ESRRG: variants seen among roughly 807,000 people sequenced by gnomAD.
The protein encoded by ESRRG is estrogen-related receptor gamma.
In ESRRG, 13 loss-of-function variants were observed where a neutral mutation model predicts 44.0. The observed-to-expected ratio is 0.30, with a 90% CI of 0.19 to 0.47. The LOEUF is 0.47. ESRRG is among the 20% of genes least tolerant of loss of function. The probability of loss-of-function intolerance (pLI) is 1.00; values close to 1 mark genes in which losing one functional copy is unlikely to be tolerated. For synonymous variants in ESRRG, 215 were observed against 214.6 expected, an observed-to-expected ratio of 1.00 and a Z score of -0.02; for missense variants, 395 against 580.6, an observed-to-expected ratio of 0.68 and a Z score of 3.29.
At chr1:217,084,986 A>G (rs933407824) in intron 1 of ESRRG, among the ~76,000 whole-genome samples, 6 of 152,172 alleles carry the variant, frequency 3.9e-5, no homozygotes, top group Non-Finnish European at 5.9e-5. Context: ...TTATAAATAT[A>G]CTAATAAACA....
At chr1:216,521,419 CTAAG>C (rs2046042521) in intron 5 of ESRRG, among the ~76,000 whole-genome samples, 3 of 151,310 alleles carry the variant, frequency 2.0e-5, no homozygotes, top group African/African-American at 7.3e-5. Context: ...AGAAAACATA[CTAAG>C]TAAGAATTTC....
chr1:217,042,340 C>A (rs1229820319), intron 1 of ESRRG, among the ~76,000 whole-genome samples: 1 of 152,050 alleles, frequency 6.6e-6, no homozygotes, highest in African/African-American at 2.4e-5. Flanking sequence ...AACAACTGAC[C>A]ACCAATTTCT....
rs774937214 is a variant in ESRRG at position 216,503,897 on chromosome 1, T to G, written c.*3042A>C. The G allele has an allele frequency of 1.3e-5, 2 of 152,536 alleles. No homozygotes were observed. Among genetic ancestry groups the G allele is most frequent in the African/African-American group, 2.4e-5 (1 of 41,436 alleles). The allele number at this position is 152,536 out of a possible 1,614,324, so 9.4% of individuals were successfully genotyped here. A position where few individuals can be genotyped will look rare whatever the true frequency, so the allele number is the denominator to read the frequency against. On this transcript the variant is annotated 3_prime_UTR_variant, in exon 7 of 7. Coordinates refer to ENST00000408911, the MANE Select transcript of ESRRG (RefSeq NM_001438.4). ...GCTAAAACATACACCTTTATAACTT[T>G]CCAAAACTTCACATTAAGTAAATGG...
chr1:216,941,828 A>T (rs1397926952), intron 1 of ESRRG, among the ~76,000 whole-genome samples: 1 of 152,138 alleles, frequency 6.6e-6, no homozygotes, highest in Admixed American at 6.5e-5. Context: ...TTTGTGGGTA[A>T]CCCAGGAAAT....
At chr1:216,527,122 G>A (rs78845054) in intron 5 of ESRRG, among the ~76,000 whole-genome samples, 4,246 of 152,228 alleles carry the variant, frequency 0.028, 93 homozygotes, top group Non-Finnish European at 0.045. Flanking sequence ...AGTAAAAGTG[G>A]ATAAGACCAT....
At chr1:217,085,481 ATTTTTTTTTTTTTTTTT>A (rs148354268) in intron 1 of ESRRG, among the ~76,000 whole-genome samples, 4 of 49,128 alleles carry the variant, frequency 8.1e-5, no homozygotes, top group African/African-American at 3.7e-4. Flanking sequence ...TTTTCTTTTC[ATTTTTTTTTTTTTTTTT>A]TTTTTTTTTT....
rs114123922 is a variant in ESRRG at position 216,613,481 on chromosome 1, T to C, written c.589+37492A>G. 4.0e-3 allele frequency among the ~76,000 whole-genome samples: 605 copies of C among 152,330 alleles called. 8 individuals are homozygous for C. The highest frequency in any genetic ancestry group is 0.014 in the African/African-American group (562 of 41,578). ...TTTATTTATAAAAATACATTATCTG[T>C]AATTCTGGGAAATTGACCACAAAAT... On this transcript the variant is annotated intron_variant, in intron 3 of 6. Transcript: ENST00000408911.
At chr1:217,043,085 A>T (rs2084177241) in intron 1 of ESRRG, among the ~76,000 whole-genome samples, 1 of 152,140 alleles carries the variant, frequency 6.6e-6, no homozygotes. Flanking sequence ...AACGCCAAAC[A>T]TTAAGCATTA....
chr1:216,556,367 A>G (rs550391255), intron 5 of ESRRG, among the ~76,000 whole-genome samples: 2 of 152,268 alleles, frequency 1.3e-5, no homozygotes, highest in East Asian at 3.9e-4. Flanking sequence ...CTGTCACTTT[A>G]TCGTTCAAAA....
chr1:216,547,927 G>T (rs1365377109), intron 5 of ESRRG, among the ~76,000 whole-genome samples: 1 of 152,072 alleles, frequency 6.6e-6, no homozygotes, highest in Non-Finnish European at 1.5e-5. Flanking sequence ...CTGGTACAAA[G>T]CTTCAAAGGC....
At chr1:217,113,614 T>C (rs2092685444) in intron 1 of ESRRG, among the ~76,000 whole-genome samples, 1 of 146,714 alleles carries the variant, frequency 6.8e-6, no homozygotes, top group African/African-American at 2.4e-5. Context: ...ATTTTTCACT[T>C]GGGAAGAATC....
intron 1 of ESRRG, among the ~76,000 whole-genome samples, chr1:217,010,862 G>A (rs902026739): frequency 1.3e-5 from 2 of 152,116 alleles, no homozygotes; most frequent in South Asian, 4.1e-4. Context: ...AAAATTAAGA[G>A]GATAGGGAAG....
At position 216,821,692 on chromosome 1, in the gene ESRRG, ATAAAT is replaced by A. The variant is rs766784366; in HGVS notation, c.-14+117885_-14+117889del. ...AGAACAAGAACCTGCCTCAGGAAAA[ATAAAT>A]AAATAAATAAATAAATAAATAAATA... On this transcript the variant is annotated intron_variant, in intron 2 of 7. Coordinates refer to the ESRRG transcript ENST00000359162. Among the ~76,000 whole-genome samples the A allele has an allele frequency of 6.4e-3, 349 of 54,142 alleles. 61 individuals are homozygous for A. The highest frequency in any genetic ancestry group is 7.2e-3 in the South Asian group (12 of 1,668). The allele number at this position is 54,142 out of a possible 152,430, so 35.5% of individuals were successfully genotyped here.
intron 1 of ESRRG, among the ~76,000 whole-genome samples, chr1:217,095,972 G>A (rs2092417218): frequency 1.3e-5 from 2 of 152,152 alleles, no homozygotes; most frequent in Non-Finnish European, 2.9e-5. Flanking sequence ...AATTAGTGAT[G>A]GCTTAAGCTG....
chr1:217,001,753 A>C (rs376957442), intron 1 of ESRRG, among the ~76,000 whole-genome samples: 24 of 152,310 alleles, frequency 1.6e-4, no homozygotes, highest in South Asian at 1.0e-3. Context: ...GCCGGTTCAC[A>C]TAAGGCTTTC....
chr1:217,137,450 C>T (rs12073183), intron 1 of ESRRG, among the ~76,000 whole-genome samples: 2 of 152,254 alleles, frequency 1.3e-5, no homozygotes, highest in African/African-American at 2.4e-5. Flanking sequence ...GGCGTTTGCG[C>T]GCGTCTCCCT....
At chr1:216,873,671 A>G (rs2096293003) in intron 2 of ESRRG, among the ~76,000 whole-genome samples, 1 of 151,208 alleles carries the variant, frequency 6.6e-6, no homozygotes, top group Non-Finnish European at 1.5e-5. Context: ...CATTTTTTCC[A>G]CACAGTGCAA....
At chr1:216,647,194 G>T (rs1221585213) in intron 3 of ESRRG, among the ~76,000 whole-genome samples, 1 of 151,986 alleles carries the variant, frequency 6.6e-6, no homozygotes, top group Non-Finnish European at 1.5e-5. Context: ...AGCAATACCT[G>T]AAAAAAATGA....
chr1:217,043,938 A>C (rs1363307275), intron 1 of ESRRG, among the ~76,000 whole-genome samples: 1 of 152,138 alleles, frequency 6.6e-6, no homozygotes, highest in Non-Finnish European at 1.5e-5. Flanking sequence ...AAGAAAAAAA[A>C]AACTGCCAGA....
Sources: gnomAD v4.1 joint callset for allele counts (sites outside exome capture counted in the v4.1 genomes callset) on GRCh38, gnomAD v4.1.1 for gene constraint, MANE v1.5 for transcripts, NCBI Gene and HGNC (gene_info 2026-07-23, HGNC 2026-07-21) for gene names.